MAX: variants seen among roughly 807,000 people sequenced by gnomAD.
MAX encodes the protein MYC associated transcriptional regulator X, also known as protein max.
Under a neutral mutation model 22.3 loss-of-function variants are expected in MAX, and 3 were observed. The observed-to-expected ratio is 0.13, with a 90% confidence interval of 0.06 to 0.35. The LOEUF (loss-of-function observed/expected upper bound fraction) is 0.35, where lower values mean the gene tolerates loss of function less well. MAX is among the 10% of genes least tolerant of loss of function. The pLI, the probability that MAX is intolerant of heterozygous loss-of-function variation, is 1.00. For synonymous variants in MAX, 72 were observed against 77.7 expected, an observed-to-expected ratio of 0.93 and a Z score of 0.39; for missense variants, 119 against 209.4, an observed-to-expected ratio of 0.57 and a Z score of 2.66.
rs763556246 is a variant in MAX at position 65,032,646 on chromosome 14, C to G, written c.172-26362G>C. 6.2e-7 allele frequency: 1 copy of G among 1,613,996 alleles called. No homozygotes were observed. The highest frequency in any genetic ancestry group is 1.1e-5 in the South Asian group (1 of 91,062). On this transcript the variant is annotated intron_variant, in intron 3 of 3. Coordinates refer to the MAX transcript ENST00000341653. The surrounding 1 kb of genome is among the most constrained non-coding windows in gnomAD (Gnocchi z 5.0). ...GTGCTGCCTCCGTAGCCTCGCTGAC[C>G]AACATCATCACTCCAGACCTCTTTG...
chr14:65,086,685 T>C (rs924232704), intron 3 of MAX, among the ~76,000 whole-genome samples: 1 of 152,154 alleles, frequency 6.6e-6, no homozygotes, highest in African/African-American at 2.4e-5. Context: ...AGGCATTCAG[T>C]TTTATAAGAG....
intron 3 of MAX, among the ~76,000 whole-genome samples, chr14:65,055,906 T>A (rs763212512): frequency 1.3e-5 from 2 of 152,188 alleles, no homozygotes; most frequent in Non-Finnish European, 2.9e-5. Flanking sequence ...AACCTCATTC[T>A]TAATCAGAAA....
In MAX at chr14:65,102,445, ACACTCACT is replaced by A. The variant is rs556734672; in HGVS notation, c.-114_-107del. Reference sequence around the variant, plus strand: ...AACAAGCCGAGTCCCCCCCACACACACACTCACTCACTCACTCACTCGCTCTCTCACTC... The same window carrying A: ...AACAAGCCGAGTCCCCCCCACACACACACTCACTCACTCGCTCTCTCACTC... On this transcript the variant is annotated 5_prime_UTR_variant, in exon 1 of 5. Transcript: ENST00000358664. 2.1e-5 allele frequency: 32 copies of A among 1,544,520 alleles called. No individual in the cohort carries two copies. The highest frequency in any genetic ancestry group is 5.9e-5 in the Admixed American group (3 of 50,990).
intron 3 of MAX, among the ~76,000 whole-genome samples, chr14:65,086,699 C>A (rs1307394850): frequency 1.3e-5 from 2 of 152,200 alleles, no homozygotes; most frequent in Non-Finnish European, 2.9e-5. Context: ...ATAAGAGAAG[C>A]AGAGCATAAA....
At position 65,084,037 on chromosome 14, in the gene MAX, T is replaced by C; in HGVS notation, c.172-6001A>G. 1 of 1,586,106 alleles carries C rather than the reference T, an allele frequency of 6.3e-7. No homozygotes were observed. Among genetic ancestry groups the C allele is most frequent in the Non-Finnish European group, 8.6e-7 (1 of 1,164,028 alleles). On this transcript the variant is annotated intron_variant, in intron 3 of 4. Coordinates refer to ENST00000358664, the MANE Select transcript of MAX (RefSeq NM_002382.5). The surrounding 1 kb of genome is among the most constrained non-coding windows in gnomAD (Gnocchi z 4.3). ...AGAGTCAGCACAGACCCATGGCTCC[T>C]TGAAGGCTTCCTGCTGCCAGGGCCT... is the stretch of plus-strand genomic sequence containing the variant.
intron 3 of MAX, among the ~76,000 whole-genome samples, chr14:65,033,803 G>T (rs1365268807): frequency 6.6e-6 from 1 of 152,172 alleles, no homozygotes; most frequent in African/African-American, 2.4e-5. Context: ...CTTGCAGTGA[G>T]CCGAGATCAC....
In MAX at chr14:65,028,808, A is replaced by G. The variant is rs1482351979; in HGVS notation, c.172-22524T>C. 6.6e-6 allele frequency among the ~76,000 whole-genome samples: 1 copy of G among 152,218 alleles called. No individual in the cohort carries two copies. The highest frequency in any genetic ancestry group is 1.5e-5 in the Non-Finnish European group (1 of 68,046). On this transcript the variant is annotated intron_variant, in intron 3 of 3. Coordinates refer to the MAX transcript ENST00000341653. This position sits in a 1 kb window ranked among gnomAD's most constrained non-coding sequence, Gnocchi z 4.4. ...TTGATTCTTCTTAAGGAAAATGTTA[A>G]AAGAGTTTTTTTCCCTCGTGTTCAC...
Position 65,012,462 on chromosome 14 carries a change from A to G in MAX, c.172-6178T>C. The G allele has an allele frequency of 1.9e-6, 3 of 1,590,204 alleles. No individual in the cohort carries two copies. Among genetic ancestry groups the G allele is most frequent in the Non-Finnish European group, 2.6e-6 (3 of 1,162,930 alleles). ...CCTCCTCCTTTTTCTATTTAAACGT[A>G]AAAGACTGTTGGGGCTGACCTGTTG... On this transcript the variant is annotated intron_variant, in intron 3 of 3. Transcript: ENST00000341653. The surrounding 1 kb of genome is among the most constrained non-coding windows in gnomAD (Gnocchi z 5.0).
intron 3 of MAX, among the ~76,000 whole-genome samples, chr14:65,019,428 A>G (rs1020190359): frequency 6.1e-5 from 9 of 148,072 alleles, no homozygotes; most frequent in African/African-American, 2.2e-4. Flanking sequence ...CAGAGGTTGC[A>G]GTGAGCCGAG....
chr14:65,033,797 C>T (rs2139595839), intron 3 of MAX, among the ~76,000 whole-genome samples: 1 of 152,214 alleles, frequency 6.6e-6, no homozygotes, highest in Middle Eastern at 3.4e-3. Context: ...GCGGAGCTTG[C>T]AGTGAGCCGA....
At chr14:65,059,903 G>A (rs2062823277) in intron 3 of MAX, among the ~76,000 whole-genome samples, 1 of 140,788 alleles carries the variant, frequency 7.1e-6, no homozygotes, top group Non-Finnish European at 1.5e-5. Flanking sequence ...GCACAATCTT[G>A]GCTCACTGCA....
chr14:65,074,865 A>C (rs889345455), downstream of MAX, among the ~76,000 whole-genome samples: 1 of 152,218 alleles, frequency 6.6e-6, no homozygotes, highest in African/African-American at 2.4e-5. Context: ...AGATCTAGAA[A>C]TGTTGCCACA....
chr14:65,054,423 A>T lies in MAX; in HGVS notation c.171+39285T>A. The T allele has an allele frequency of 4.0e-6, 3 of 747,254 alleles. No homozygotes were observed. The highest frequency in any genetic ancestry group is 6.5e-6 in the Non-Finnish European group (3 of 462,126). 46.3% of individuals were successfully genotyped at this position (747,254 alleles called of 1,614,324 possible). ...CTGTGCTCAGCCAGTGGGGCTTTAA[A>T]TAACACTGCTGGGAAAACCATGCCT... On this transcript the variant is annotated intron_variant, in intron 3 of 3. Coordinates refer to the MAX transcript ENST00000341653. The surrounding 1 kb of genome is among the most constrained non-coding windows in gnomAD (Gnocchi z 4.4).
chr14:65,098,005 C>T (rs1298735702), intron 2 of MAX, among the ~76,000 whole-genome samples: 1 of 152,152 alleles, frequency 6.6e-6, no homozygotes, highest in Non-Finnish European at 1.5e-5. Flanking sequence ...ATGCTATAAT[C>T]CAAACAGGGC....
Position 65,060,870 on chromosome 14 carries a change from CAAAAAAAAAAAA to C in MAX, c.171+32826_171+32837del, listed in dbSNP as rs58241887. ...CCTGGGCAACAGAGCAAGACTCTCT[CAAAAAAAAAAAA>C]AAAAAAAAAAAAACAGTTTGAGATA... On this transcript the variant is annotated intron_variant, in intron 3 of 3. Coordinates refer to the MAX transcript ENST00000341653. 2.5e-4 allele frequency among the ~76,000 whole-genome samples: 20 copies of C among 79,574 alleles called. No individual in the cohort carries two copies. The Admixed American group carries it at 3.4e-3, about 14-fold the overall frequency. The allele number at this position is 79,574 out of a possible 152,430, so 52.2% of individuals were successfully genotyped here. A position where few individuals can be genotyped will look rare whatever the true frequency, so the allele number is the denominator to read the frequency against.
chr14:65,044,676 T>C lies in MAX; in HGVS notation c.172-38392A>G. ...TCAAATTGGCTGCGACAGAATGAGC[T>C]TCCTTGAAATTGCTACGGGGAGCGG... On this transcript the variant is annotated intron_variant, in intron 3 of 3. Transcript: ENST00000341653. This position sits in a 1 kb window ranked among gnomAD's most constrained non-coding sequence, Gnocchi z 5.5. The C allele has an allele frequency of 1.6e-6, 1 of 623,738 alleles. No homozygotes were observed. Among genetic ancestry groups the C allele is most frequent in the Non-Finnish European group, 2.5e-6 (1 of 399,068 alleles). 38.6% of individuals were successfully genotyped at this position (623,738 alleles called of 1,614,324 possible).
intron 3 of MAX, among the ~76,000 whole-genome samples, chr14:65,033,687 C>T (rs1443803190): frequency 1.3e-5 from 2 of 152,156 alleles, no homozygotes; most frequent in African/African-American, 4.8e-5. Context: ...GACACCCCGT[C>T]TCTACTAAAA....
chr14:65,010,276 A>G (rs1252305325), intron 3 of MAX, among the ~76,000 whole-genome samples: 1 of 152,158 alleles, frequency 6.6e-6, no homozygotes, highest in Non-Finnish European at 1.5e-5. Context: ...GGGTCTTCCC[A>G]CAGTTTTGTT....
intron 3 of MAX, among the ~76,000 whole-genome samples, chr14:65,034,748 T>C (rs2062152541): frequency 6.6e-6 from 1 of 152,240 alleles, no homozygotes; most frequent in African/African-American, 2.4e-5. Flanking sequence ...TTATAATGTC[T>C]GCTTTAAATT....
Sources: allele counts gnomAD v4.1 joint callset (sites outside exome capture counted in the v4.1 genomes callset), GRCh38; gene constraint gnomAD v4.1.1; non-coding constraint Gnocchi (gnomAD v3.1); transcripts MANE v1.5; gene names NCBI Gene and HGNC (gene_info 2026-07-23, HGNC 2026-07-21).